NUMB: variants seen among roughly 807,000 people sequenced by gnomAD.
NUMB encodes NUMB endocytic adaptor protein.
A neutral mutation model predicts 59.7 loss-of-function variants in NUMB; 29 were observed. The ratio of observed to expected loss-of-function variants is 0.49; its 90% CI spans 0.36 to 0.66. The LOEUF (loss-of-function observed/expected upper bound fraction) is 0.66, where lower values mean the gene tolerates loss of function less well. Ranked by LOEUF, NUMB falls within the 30% of genes least tolerant of loss-of-function variation. NUMB has a pLI of 0.00. For synonymous variants in NUMB, 288 were observed against 288.2 expected (o/e 1.00, Z 0.01); for missense variants, 723 against 822.0 (o/e 0.88, Z 1.47).
At chr14:73,286,668 AAT>A (rs1376327954) in intron 9 of NUMB, 2 of 169,842 alleles carry the variant, frequency 1.2e-5, no homozygotes, top group Non-Finnish European at 2.6e-5. Flanking sequence ...AAACAGCAAT[AAT>A]ATCATATAAA....
Position 73,279,392 on chromosome 14 carries a change from C to A in NUMB, c.1129G>T (p.Ala377Ser). 1 of 1,601,380 alleles carries A rather than the reference C, an allele frequency of 6.2e-7. No individual in the cohort carries two copies. Among genetic ancestry groups the A allele is most frequent in the Non-Finnish European group, 8.5e-7 (1 of 1,174,138 alleles). ...NGTDSAFHVL[A>S]KPAHTALAPV... ...GCTAGAGCAGTATGGGCTGGCTTAGCAAGCACATGGAAGGCTGAGTCAGTG... is the reference window on the plus strand; with the variant it reads ...GCTAGAGCAGTATGGGCTGGCTTAGAAAGCACATGGAAGGCTGAGTCAGTG... Residue 377 changes from alanine to serine, a missense_variant, in exon 12 of 13, where the codon GCT becomes TCT. Around this residue, in one of 2 missense-constraint regions of NUMB, gnomAD observed 406 missense variants for 385.4 expected, o/e 1.05. Transcript: ENST00000555238.
At chr14:73,434,434 CTAATAT>C (rs998082412) in intron 1 of NUMB, among the ~76,000 whole-genome samples, 15 of 152,182 alleles carry the variant, frequency 9.9e-5, no homozygotes, top group African/African-American at 3.6e-4. Flanking sequence ...GCTGCTAGTA[CTAATAT>C]TATCATTATT....
intron 2 of NUMB, among the ~76,000 whole-genome samples, chr14:73,389,568 C>T (rs1895743790): frequency 6.6e-6 from 1 of 152,004 alleles, no homozygotes; most frequent in Non-Finnish European, 1.5e-5. Flanking sequence ...GTGATCTGCC[C>T]GCCTCGGCCT....
chr14:73,279,425 C>A lies in NUMB; in HGVS notation c.1097-1G>T. Reference sequence around the variant, plus strand: ...TGGAAGGCTGAGTCAGTGCCATTAGCTACAACGGGAGCAGACAACATCAAT... The same window carrying A: ...TGGAAGGCTGAGTCAGTGCCATTAGATACAACGGGAGCAGACAACATCAAT... On this transcript the variant is annotated splice_acceptor_variant, in intron 11 of 12. Transcript: ENST00000555238. LOFTEE classifies it high-confidence loss of function. 1 of 1,575,622 alleles carries A rather than the reference C, an allele frequency of 6.3e-7. No homozygotes were observed.
At chr14:73,302,962 C>T (rs1429914629) in intron 6 of NUMB, among the ~76,000 whole-genome samples, 9 of 152,140 alleles carry the variant, frequency 5.9e-5, no homozygotes, top group Non-Finnish European at 2.9e-5. Context: ...AGCCTATAAT[C>T]CCAGCACTTT....
chr14:73,298,054 A>G (rs1473766976), intron 6 of NUMB: 2 of 151,810 alleles, frequency 1.3e-5, no homozygotes, highest in African/African-American at 4.8e-5. Flanking sequence ...ATGCCCGGCT[A>G]ATTTTTGTAT....
At chr14:73,441,277 G>C (rs1157123225) in intron 1 of NUMB, among the ~76,000 whole-genome samples, 4 of 152,058 alleles carry the variant, frequency 2.6e-5, no homozygotes, top group African/African-American at 9.7e-5. Context: ...TTTAGGCCAG[G>C]CACAGTGGCT....
rs1336680473 is a variant in NUMB, at chr14:73,334,928, G to A, written c.127-11724C>T. ...TGCGCCACTGCACTCCAGCCTGGGCGACAAGAGCAAAACTCTGTCTCAAAA... is the reference window on the plus strand; with the variant it reads ...TGCGCCACTGCACTCCAGCCTGGGCAACAAGAGCAAAACTCTGTCTCAAAA... On this transcript the variant is annotated intron_variant, in intron 4 of 12. Coordinates refer to ENST00000555238, the MANE Select transcript of NUMB (RefSeq NM_001005743.2). Among the ~76,000 whole-genome samples the A allele has an allele frequency of 6.4e-5, 8 of 125,466 alleles. No homozygotes were observed. The East Asian group carries it at 1.5e-3, about 24-fold the overall frequency. 82.3% of individuals were successfully genotyped at this position (125,466 alleles called of 152,430 possible).
chr14:73,418,365 C>A (rs937379773), intron 1 of NUMB, among the ~76,000 whole-genome samples: 1 of 152,124 alleles, frequency 6.6e-6, no homozygotes, highest in Admixed American at 6.5e-5. Context: ...TTAATGGGCC[C>A]GTGCCCATTT....
At chr14:73,364,457 T>C (rs975229100) in intron 3 of NUMB, among the ~76,000 whole-genome samples, 2 of 151,924 alleles carry the variant, frequency 1.3e-5, no homozygotes, top group African/African-American at 4.8e-5. Flanking sequence ...TGGGCTGAGA[T>C]TGCACCACTG....
At position 73,284,179 on chromosome 14, in the gene NUMB, C is replaced by A. The variant is rs1055360906; in HGVS notation, c.851G>T (p.Ser284Ile). Residue 284 changes from serine (S) to isoleucine (I), a missense_variant, in exon 10 of 13, where the codon AGC becomes ATC. Physicochemically the swap from Ser to Ile is moderately radical, Grantham distance 142 (BLOSUM62 -2). Around this residue, in one of 2 missense-constraint regions of NUMB, gnomAD observed 317 missense variants for 436.6 expected, o/e 0.73. Transcript: ENST00000555238. ...GCGTTTAAAGGGTGACATCTTCTGG[C>A]TAAGAGCAGGAAAACCTCGGAAAGA... The part of the protein sequence containing the change: ...QGSFRGFPAL[S>I]QKMSPFKRQL... 3 of 1,614,138 alleles carry A rather than the reference C, an allele frequency of 1.9e-6. No homozygotes were observed. The highest frequency in any genetic ancestry group is 2.5e-6 in the Non-Finnish European group (3 of 1,180,032).
intron 2 of NUMB, among the ~76,000 whole-genome samples, chr14:73,369,159 G>A (rs1271938994): frequency 2.7e-5 from 4 of 150,806 alleles, no homozygotes; most frequent in African/African-American, 9.8e-5. Context: ...CTCCTGCCTC[G>A]GCCTCCTGAG....
At chr14:73,435,902 A>G (rs1898032907) in intron 1 of NUMB, among the ~76,000 whole-genome samples, 2 of 151,652 alleles carry the variant, frequency 1.3e-5, no homozygotes, top group South Asian at 2.1e-4. Flanking sequence ...ACTACTTGGG[A>G]GGCTGATGTG....
rs1251965424 is a variant in NUMB at position 73,449,844 on chromosome 14, C to T, written c.-233+8649G>A. On this transcript the variant is annotated intron_variant, in intron 1 of 12. Coordinates refer to ENST00000555238, the MANE Select transcript of NUMB (RefSeq NM_001005743.2). ...CTGGGATTACAGGCATGCACCACTA[C>T]TCCCAGCTAATTTTTGTATTTTTAG... is the stretch of plus-strand genomic sequence containing the variant. Among the ~76,000 whole-genome samples, 4 of 152,188 alleles carry T rather than the reference C, an allele frequency of 2.6e-5. 1 individual carries two copies. Among genetic ancestry groups the T allele is most frequent in the Admixed American group, 1.3e-4 (2 of 15,274 alleles).
At position 73,295,835 on chromosome 14, in the gene NUMB, TATTTAGGC is replaced by T. The variant is rs1258358416; in HGVS notation, c.309+1368_309+1375del. On this transcript the variant is annotated intron_variant, in intron 7 of 12. Transcript: ENST00000555238. ...AGGGGTAGAGCTGTGTGTCTATTCT[TATTTAGGC>T]ATTTAGGATCACTGTCTCTCAAATG... 3.3e-5 allele frequency among the ~76,000 whole-genome samples: 5 copies of T among 152,296 alleles called. No homozygotes were observed. The East Asian group carries it at 9.6e-4, about 29-fold the overall frequency.
chr14:73,416,240 G>A (rs142071627), intron 1 of NUMB, among the ~76,000 whole-genome samples: 1,663 of 151,758 alleles, frequency 0.011, 15 homozygotes, highest in Middle Eastern at 0.024. Flanking sequence ...GCAAAACAAC[G>A]AAATTTGACA....
intron 1 of NUMB, among the ~76,000 whole-genome samples, chr14:73,446,334 G>A (rs1480706867): frequency 6.6e-6 from 1 of 152,058 alleles, no homozygotes; most frequent in Non-Finnish European, 1.5e-5. Context: ...TAAACTGGGC[G>A]CGGTGGCTCA....
At position 73,352,477 on chromosome 14, in the gene NUMB, CATATATATATATATATATATAT is replaced by C. The variant is rs1170959840; in HGVS notation, c.126+3127_126+3148del. 2.5e-3 allele frequency among the ~76,000 whole-genome samples: 32 copies of C among 12,694 alleles called. 1 individual carries two copies. Among genetic ancestry groups the C allele is most frequent in the East Asian group, 7.2e-3 (2 of 278 alleles). The allele number at this position is 12,694 out of a possible 152,430, so 8.3% of individuals were successfully genotyped here. A position where few individuals can be genotyped will look rare whatever the true frequency, so the allele number is the denominator to read the frequency against. On this transcript the variant is annotated intron_variant, in intron 4 of 12. Transcript: ENST00000555238. Reference sequence around the variant, plus strand: ...ACACACATACACACACACACACACACATATATATATATATATATATATATATATATATATATATATATATATA... The same window carrying C: ...ACACACATACACACACACACACACACATATATATATATATATATATATATA...
At chr14:73,360,989 A>T (rs989177251) in intron 3 of NUMB, among the ~76,000 whole-genome samples, 28 of 152,078 alleles carry the variant, frequency 1.8e-4, no homozygotes, top group African/African-American at 5.8e-4. Flanking sequence ...CCCGGGCTCA[A>T]GCGATCCTCG....
Sources: allele counts gnomAD v4.1 joint callset (sites outside exome capture counted in the v4.1 genomes callset), GRCh38; gene constraint gnomAD v4.1.1; regional missense constraint gnomAD v4.1.1; transcripts MANE v1.5; gene names NCBI Gene and HGNC (gene_info 2026-07-23, HGNC 2026-07-21).